Variants in SIK3 observed in about 807,000 individuals in gnomAD.
The protein encoded by SIK3 is serine/threonine-protein kinase SIK3.
A neutral mutation model predicts 144.2 loss-of-function variants in SIK3; 28 were observed. That is an observed-to-expected ratio of 0.19 (90% CI 0.14 to 0.27). SIK3 has a LOEUF of 0.27. Ranked by LOEUF, SIK3 falls within the 10% of genes least tolerant of loss-of-function variation. SIK3 has a pLI of 1.00. For synonymous variants in SIK3, 686 were observed against 676.3 expected, an observed-to-expected ratio of 1.01 and a Z score of -0.22; for missense variants, 1,319 against 1,776.0, an observed-to-expected ratio of 0.74 and a Z score of 4.62.
intron 6 of SIK3, among the ~76,000 whole-genome samples, chr11:116,885,661 G>A (rs747077810): frequency 2.0e-5 from 3 of 152,108 alleles, no homozygotes; most frequent in Non-Finnish European, 4.4e-5. Context: ...AAGTAATCCC[G>A]ATGCAGACAA....
chr11:117,081,440 G>A (rs1019294665), intron 1 of SIK3, among the ~76,000 whole-genome samples: 4 of 152,114 alleles, frequency 2.6e-5, no homozygotes, highest in South Asian at 2.1e-4. Flanking sequence ...TGGCTAACAC[G>A]GTGAAACCCC....
At chr11:116,920,617 C>T (rs990259153) in intron 4 of SIK3, among the ~76,000 whole-genome samples, 3 of 152,192 alleles carry the variant, frequency 2.0e-5, no homozygotes, top group Non-Finnish European at 2.9e-5. Context: ...CTGACAGGTG[C>T]CTTATTAACA....
At position 117,047,711 on chromosome 11, in the gene SIK3, G is replaced by A. The variant is rs190126786; in HGVS notation, c.273+50432C>T. ...GTAATCCCAGCACTTCGGAGGCCGA[G>A]GTGAGAGGACTGCTTGAGCCCAGGA... On this transcript the variant is annotated intron_variant, in intron 1 of 24. Coordinates refer to ENST00000445177, the MANE Select transcript of SIK3 (RefSeq NM_001366686.3). 1.4e-4 allele frequency among the ~76,000 whole-genome samples: 21 copies of A among 152,168 alleles called. No individual in the cohort carries two copies. In the East Asian group the frequency reaches 3.1e-3, roughly 22 times the overall value.
chr11:116,976,493 C>T (rs1046110001), intron 1 of SIK3, among the ~76,000 whole-genome samples: 1 of 152,232 alleles, frequency 6.6e-6, no homozygotes, highest in African/African-American at 2.4e-5. Context: ...TCTTCTTTCT[C>T]CAATGAATTA....
At chr11:116,872,585 C>A (rs1944024213) in intron 13 of SIK3, among the ~76,000 whole-genome samples, 1 of 152,094 alleles carries the variant, frequency 6.6e-6, no homozygotes, top group South Asian at 2.1e-4. Flanking sequence ...CAGAAATCAA[C>A]AAAAGGCTTT....
In SIK3 at chr11:117,052,834, T is replaced by C. The variant is rs147201018; in HGVS notation, c.273+45309A>G. Among the ~76,000 whole-genome samples, 553 of 152,334 alleles carry C rather than the reference T, an allele frequency of 3.6e-3. 3 individuals are homozygous for C. Among genetic ancestry groups the C allele is most frequent in the African/African-American group, 0.013 (530 of 41,594 alleles). On this transcript the variant is annotated intron_variant, in intron 1 of 24. Transcript: ENST00000445177. ...GTCCAATCCCAAACAGCTTTGTGGC[T>C]CTAATGCCGTAGTTTCAGAAAGCAA...
At chr11:116,895,887 A>C (rs1945373487) in intron 6 of SIK3, among the ~76,000 whole-genome samples, 1 of 152,244 alleles carries the variant, frequency 6.6e-6, no homozygotes, top group African/African-American at 2.4e-5. Flanking sequence ...GGAAGACAGA[A>C]GTGAAACAAA....
chr11:116,962,294 A>C (rs1949376407), intron 1 of SIK3, among the ~76,000 whole-genome samples: 1 of 152,232 alleles, frequency 6.6e-6, no homozygotes, highest in Admixed American at 6.5e-5. Flanking sequence ...GTAGGAGGGA[A>C]ATGCAAAGAT....
intron 1 of SIK3, among the ~76,000 whole-genome samples, chr11:117,012,194 G>A (rs1238521417): frequency 1.3e-5 from 2 of 152,080 alleles, no homozygotes; most frequent in Non-Finnish European, 2.9e-5. Context: ...GGCTGGTCTC[G>A]AATTCCCGGA....
In SIK3 at chr11:116,954,121, A is replaced by G; in HGVS notation, c.391-14T>C. On this transcript the variant is annotated splice_polypyrimidine_tract_variant and intron_variant, in intron 2 of 24. Coordinates refer to ENST00000445177, the MANE Select transcript of SIK3 (RefSeq NM_001366686.3). Reference sequence around the variant, plus strand: ...TGTCTCCATAACCTGGTGCAAAGGCAGGAAAGTGACAGACAGTGACACAAA... The same window carrying G: ...TGTCTCCATAACCTGGTGCAAAGGCGGGAAAGTGACAGACAGTGACACAAA... 1.2e-6 allele frequency: 2 copies of G among 1,613,006 alleles called. No individual in the cohort carries two copies.
At chr11:116,883,502 G>A (rs1944653544) in intron 6 of SIK3, among the ~76,000 whole-genome samples, 1 of 152,064 alleles carries the variant, frequency 6.6e-6, no homozygotes, top group Non-Finnish European at 1.5e-5. Flanking sequence ...CTCTGCTTGT[G>A]GACTAAGCCC....
chr11:116,899,861 T>G (rs781450968), intron 4 of SIK3, among the ~76,000 whole-genome samples: 9 of 152,336 alleles, frequency 5.9e-5, no homozygotes, highest in Non-Finnish European at 1.3e-4. Context: ...AGCACCCACC[T>G]ACTCTCTGAA....
chr11:117,094,207 T>C (rs1302230498), intron 1 of SIK3, among the ~76,000 whole-genome samples: 1 of 152,210 alleles, frequency 6.6e-6, no homozygotes, highest in Non-Finnish European at 1.5e-5. Flanking sequence ...AAGCTGGAAC[T>C]CTTACCACAA....
chr11:116,930,505 T>C (rs896449056), intron 3 of SIK3, among the ~76,000 whole-genome samples: 7 of 152,230 alleles, frequency 4.6e-5, no homozygotes, highest in African/African-American at 1.2e-4. Context: ...ACTTAACACA[T>C]AGTCACAGCA....
intron 1 of SIK3, among the ~76,000 whole-genome samples, chr11:116,993,743 C>A (rs183413083): frequency 4.6e-5 from 7 of 152,190 alleles, no homozygotes; most frequent in Middle Eastern, 3.4e-3. Flanking sequence ...AAAGAATGAG[C>A]GGAAAAATCA....
chr11:116,962,235 C>T (rs951503367), intron 1 of SIK3, among the ~76,000 whole-genome samples: 3 of 152,096 alleles, frequency 2.0e-5, no homozygotes, highest in African/African-American at 4.8e-5. Context: ...GCAGATAGTA[C>T]GGATTCAGGG....
rs554969198 is a variant in SIK3, at chr11:117,077,692, A to G, written c.273+20451T>C. 2.6e-4 allele frequency among the ~76,000 whole-genome samples: 39 copies of G among 152,336 alleles called. No homozygotes were observed. In the South Asian group the frequency reaches 7.5e-3, roughly 29 times the overall value. ...AGAGTTAACTGCCTAAAAATCTCTC[A>G]GTTAAGACTAGCATTGAGGAAAAAA... is the stretch of plus-strand genomic sequence containing the variant. On this transcript the variant is annotated intron_variant, in intron 1 of 24. Transcript: ENST00000445177.
At chr11:117,071,196 A>AT (rs202154722) in intron 1 of SIK3, among the ~76,000 whole-genome samples, 12,133 of 137,706 alleles carry the variant, frequency 0.088, 624 homozygotes, top group African/African-American at 0.18. Flanking sequence ...GCAAAAAAAA[A>AT]AAAAATAACA....
At chr11:116,987,864 T>G (rs951171346) in intron 1 of SIK3, among the ~76,000 whole-genome samples, 4 of 152,166 alleles carry the variant, frequency 2.6e-5, no homozygotes, top group Non-Finnish European at 5.9e-5. Context: ...TTGAAACACA[T>G]GCAAATACAT....
Sources: gnomAD v4.1 joint callset for allele counts (sites outside exome capture counted in the v4.1 genomes callset) on GRCh38, gnomAD v4.1.1 for gene constraint, MANE v1.5 for transcripts, NCBI Gene and HGNC (gene_info 2026-07-23, HGNC 2026-07-21) for gene names.